Variants in PPP1R9A observed in about 807,000 individuals in gnomAD.
The protein encoded by PPP1R9A is neurabin-1.
In PPP1R9A, 59 loss-of-function variants were observed where a neutral mutation model predicts 141.9. That is an observed-to-expected ratio of 0.42 (90% CI 0.34 to 0.52). PPP1R9A has a LOEUF of 0.52. Ranked by LOEUF, PPP1R9A falls within the 20% of genes least tolerant of loss-of-function variation. The probability of loss-of-function intolerance (pLI) is 0.10; values close to 1 mark genes in which losing one functional copy is unlikely to be tolerated. For synonymous variants in PPP1R9A, 500 were observed against 569.7 expected (o/e 0.88, Z 1.74); for missense variants, 1,444 against 1,611.9 (o/e 0.90, Z 1.78).
chr7:94,991,671 G>T (rs1185393521), intron 2 of PPP1R9A, among the ~76,000 whole-genome samples: 1 of 151,296 alleles, frequency 6.6e-6, no homozygotes, highest in Non-Finnish European at 1.5e-5. Context: ...AAATTTTTGA[G>T]ACAGAGTCTC....
At chr7:95,133,587 A>G (rs2152537564) in intron 4 of PPP1R9A, among the ~76,000 whole-genome samples, 1 of 149,618 alleles carries the variant, frequency 6.7e-6, no homozygotes, top group East Asian at 1.9e-4. Context: ...GTTTCAAGAT[A>G]TTGGTGAGGT....
intron 17 of PPP1R9A, among the ~76,000 whole-genome samples, chr7:95,285,814 C>T: frequency 6.6e-6 from 1 of 152,186 alleles, no homozygotes; most frequent in East Asian, 1.9e-4. Flanking sequence ...ATATGAATTG[C>T]CATCTGTTCC....
intron 2 of PPP1R9A, among the ~76,000 whole-genome samples, chr7:94,960,756 T>C (rs554246210): frequency 2.6e-5 from 4 of 151,796 alleles, no homozygotes; most frequent in African/African-American, 9.6e-5. Flanking sequence ...TCTAGATGTG[T>C]TTATTTTTTT....
intron 2 of PPP1R9A, among the ~76,000 whole-genome samples, chr7:95,101,004 T>C (rs950917307): frequency 5.3e-5 from 8 of 150,768 alleles, no homozygotes; most frequent in African/African-American, 7.3e-5. Context: ...AGGCGCCCGC[T>C]ACCACGCCCG....
chr7:95,023,516 A>G (rs1329042868), intron 2 of PPP1R9A, among the ~76,000 whole-genome samples: 1 of 105,078 alleles, frequency 9.5e-6, no homozygotes, highest in Non-Finnish European at 2.0e-5. Flanking sequence ...GTCTTCTGCT[A>G]GCTTTTGAAT....
intron 16 of PPP1R9A, among the ~76,000 whole-genome samples, chr7:95,283,693 G>A (rs1257586470): frequency 6.6e-6 from 1 of 152,216 alleles, no homozygotes; most frequent in African/African-American, 2.4e-5. Flanking sequence ...AGGGAATGCA[G>A]TGATGATTAA....
intron 2 of PPP1R9A, among the ~76,000 whole-genome samples, chr7:95,031,556 G>T (rs1209415531): frequency 2.6e-5 from 4 of 152,054 alleles, no homozygotes; most frequent in African/African-American, 7.2e-5. Flanking sequence ...AGGAGTTCAA[G>T]ACCAGCCTGA....
chr7:95,249,878 A>G, intron 9 of PPP1R9A, 148 bp from the exon 10 acceptor site: 1 of 1,155,466 alleles, frequency 8.7e-7, no homozygotes, highest in South Asian at 1.9e-5. Context: ...CTGTGGAATT[A>G]TAAAAATAAT....
chr7:94,945,488 C>G (rs921504018), intron 2 of PPP1R9A, among the ~76,000 whole-genome samples: 5 of 151,996 alleles, frequency 3.3e-5, no homozygotes, highest in Admixed American at 1.3e-4. Flanking sequence ...TGAAAAATTA[C>G]CAGTCTTTCA....
At chr7:95,177,270 G>A (rs1479917955) in intron 5 of PPP1R9A, among the ~76,000 whole-genome samples, 2 of 152,056 alleles carry the variant, frequency 1.3e-5, no homozygotes, top group Non-Finnish European at 1.5e-5. Context: ...GTGAAACTAA[G>A]CATCAAATAT....
intron 2 of PPP1R9A, among the ~76,000 whole-genome samples, chr7:94,972,926 G>C (rs1799015500): frequency 6.6e-6 from 1 of 152,128 alleles, no homozygotes; most frequent in Non-Finnish European, 1.5e-5. Flanking sequence ...CTGAATCCAA[G>C]TTTCATGTTC....
intron 8 of PPP1R9A, among the ~76,000 whole-genome samples, chr7:95,243,139 C>T (rs9656027): frequency 0.13 from 19,936 of 152,130 alleles, 1,498 homozygotes; most frequent in African/African-American, 0.18. Context: ...ATCTTGCTCA[C>T]TTTGCTTGGA....
At chr7:95,159,178 A>T (rs535841412) in intron 4 of PPP1R9A, among the ~76,000 whole-genome samples, 1 of 152,214 alleles carries the variant, frequency 6.6e-6, no homozygotes, top group African/African-American at 2.4e-5. Context: ...ATTTTGGCAT[A>T]TTGATAAAAG....
intron 2 of PPP1R9A, among the ~76,000 whole-genome samples, chr7:94,959,020 C>A (rs974404626): frequency 6.6e-6 from 1 of 151,854 alleles, no homozygotes; most frequent in African/African-American, 2.4e-5. Flanking sequence ...TCATTTATAT[C>A]CAAACTAAAT....
intron 6 of PPP1R9A, among the ~76,000 whole-genome samples, chr7:95,199,502 G>C (rs751555615): frequency 3.3e-5 from 5 of 152,090 alleles, no homozygotes; most frequent in Non-Finnish European, 5.9e-5. Flanking sequence ...TTTTTAATCT[G>C]AGATGTTTTA....
chr7:95,225,749 G>A (rs151253872), intron 7 of PPP1R9A, among the ~76,000 whole-genome samples: 7 of 152,218 alleles, frequency 4.6e-5, no homozygotes, highest in Admixed American at 4.6e-4. Context: ...TTTTAGAAAC[G>A]CACTTGTATA....
At chr7:94,973,350 T>C (rs1799068123) in intron 2 of PPP1R9A, among the ~76,000 whole-genome samples, 1 of 152,174 alleles carries the variant, frequency 6.6e-6, no homozygotes, top group Non-Finnish European at 1.5e-5. Context: ...GTAGAGAGAA[T>C]GATAGGCTAA....
At chr7:95,037,006 A>G (rs574193765) in intron 2 of PPP1R9A, 1 of 152,142 alleles carries the variant, frequency 6.6e-6, no homozygotes, top group Admixed American at 6.5e-5. Context: ...TTCTCCTCCA[A>G]AGTGAGTGAG....
At chr7:95,132,617 C>T (rs560084652) in intron 4 of PPP1R9A, among the ~76,000 whole-genome samples, 20 of 152,248 alleles carry the variant, frequency 1.3e-4, no homozygotes, top group African/African-American at 4.1e-4. Flanking sequence ...ATGACCCCTT[C>T]GGTGCCGCTT....
Sources: gnomAD v4.1 joint callset for allele counts (sites outside exome capture counted in the v4.1 genomes callset) on GRCh38, gnomAD v4.1.1 for gene constraint, MANE v1.5 for transcripts, NCBI Gene and HGNC (gene_info 2026-07-23, HGNC 2026-07-21) for gene names.